RAPGEF2: variants seen among roughly 807,000 people sequenced by gnomAD.
RAPGEF2 encodes the protein PDZ domain containing guanine nucleotide exchange factor (GEF) 1.
RAPGEF2 carries 54 observed loss-of-function variants against 186.7 expected under a neutral mutation model. The observed-to-expected ratio is 0.29, with a 90% CI of 0.23 to 0.36. The LOEUF (loss-of-function observed/expected upper bound fraction) is 0.36. RAPGEF2 is among the 10% of genes least tolerant of loss of function. RAPGEF2 has a pLI of 1.00. For synonymous variants in RAPGEF2, 712 were observed against 705.9 expected, an observed-to-expected ratio of 1.01 and a Z score of -0.14; for missense variants, 1,532 against 2,045.0, an observed-to-expected ratio of 0.75 and a Z score of 4.84.
Position 159,314,614 on chromosome 4 carries a change from T to C in RAPGEF2, c.699T>C (p.Asp233=). Reference sequence around the variant, plus strand: ...AGGCCACAGAAAGCGAGGCTGGTGATATGGACCTGAGTGGGTTGCCAGAAA... The same window carrying C: ...AGGCCACAGAAAGCGAGGCTGGTGACATGGACCTGAGTGGGTTGCCAGAAA... The part of the protein sequence containing the change: ...IYQATESEAG[D]MDLSGLPETA... Residue 233 remains aspartate (D), a synonymous_variant, in exon 9 of 30, where the codon GAT becomes GAC. Transcript: ENST00000691494. 6.2e-7 allele frequency: 1 copy of C among 1,613,232 alleles called. No homozygotes were observed. Among genetic ancestry groups the C allele is most frequent in the East Asian group, 2.2e-5 (1 of 44,830 alleles).
intron 1 of RAPGEF2, among the ~76,000 whole-genome samples, chr4:159,153,490 G>A (rs1743780657): frequency 6.6e-6 from 1 of 152,080 alleles, no homozygotes; most frequent in African/African-American, 2.4e-5. Context: ...GTCTACTTTG[G>A]GGATCCAAAA....
At chr4:159,146,303 T>C (rs1467989539) in intron 1 of RAPGEF2, among the ~76,000 whole-genome samples, 1 of 151,850 alleles carries the variant, frequency 6.6e-6, no homozygotes, top group East Asian at 1.9e-4. Context: ...TAATAAATTA[T>C]GCCATAAAAA....
chr4:159,161,356 A>G (rs1744684119), intron 1 of RAPGEF2, among the ~76,000 whole-genome samples: 1 of 152,244 alleles, frequency 6.6e-6, no homozygotes, highest in Non-Finnish European at 1.5e-5. Context: ...TTTGTATCAT[A>G]AACAATATGT....
intron 1 of RAPGEF2, among the ~76,000 whole-genome samples, chr4:159,132,885 T>A (rs965372940): frequency 6.6e-6 from 1 of 151,060 alleles, no homozygotes; most frequent in African/African-American, 2.4e-5. Context: ...ATACTTAGTT[T>A]TTTTTTTTTT....
intron 8 of RAPGEF2, among the ~76,000 whole-genome samples, chr4:159,313,747 A>AT (rs1313456724): frequency 6.6e-6 from 1 of 152,182 alleles, no homozygotes; most frequent in Admixed American, 6.5e-5. Context: ...AATTGAATTC[A>AT]TTTTTACTAT....
At chr4:159,295,720 AGTGTGT>A (rs71589223) in intron 7 of RAPGEF2, among the ~76,000 whole-genome samples, 6,675 of 134,406 alleles carry the variant, frequency 0.05, 216 homozygotes, top group Non-Finnish European at 0.065. Flanking sequence ...AGAGTGTGTG[AGTGTGT>A]GTGTGTGTGT....
At chr4:159,221,271 C>T (rs985566864) in intron 4 of RAPGEF2, among the ~76,000 whole-genome samples, 2 of 152,204 alleles carry the variant, frequency 1.3e-5, no homozygotes, top group African/African-American at 4.8e-5. Context: ...TTCCACCCTT[C>T]TTCTCCGCTT....
intron 7 of RAPGEF2, chr4:159,267,156 G>C: frequency 2.3e-6 from 3 of 1,277,704 alleles, no homozygotes; most frequent in Non-Finnish European, 3.1e-6. Context: ...TGCAGGTTAA[G>C]AGACAGACTA....
intron 7 of RAPGEF2, among the ~76,000 whole-genome samples, chr4:159,300,379 T>A (rs1762508952): frequency 6.6e-6 from 1 of 151,776 alleles, no homozygotes; most frequent in African/African-American, 2.4e-5. Context: ...TGGTGTTTTT[T>A]AGGACTATAG....
intron 7 of RAPGEF2, among the ~76,000 whole-genome samples, chr4:159,252,156 G>A (rs1342169162): frequency 6.6e-6 from 1 of 152,116 alleles, no homozygotes; most frequent in African/African-American, 2.4e-5. Context: ...CACTTTTCAG[G>A]CTTAAGAGAT....
At position 159,290,169 on chromosome 4, in the gene RAPGEF2, T is replaced by A. The variant is rs1761014678; in HGVS notation, c.544-14173T>A. Among the ~76,000 whole-genome samples the A allele has an allele frequency of 2.0e-5, 3 of 152,150 alleles. No homozygotes were observed. The South Asian group carries it at 6.2e-4, about 32-fold the overall frequency. ...TACAGTGGCACCACAGTGAAGTGGG[T>A]TCATATTTGTAAATCCCCTCTCAGA... On this transcript the variant is annotated intron_variant, in intron 7 of 29. Coordinates refer to ENST00000691494, the MANE Select transcript of RAPGEF2 (RefSeq NM_001394067.2).
intron 1 of RAPGEF2, among the ~76,000 whole-genome samples, chr4:159,146,383 G>C (rs1480002715): frequency 6.8e-6 from 1 of 148,034 alleles, no homozygotes; most frequent in East Asian, 2.0e-4. Context: ...TTCTTTTGGT[G>C]CATTGTAGGG....
chr4:159,127,016 A>G (rs1740393049), intron 1 of RAPGEF2, among the ~76,000 whole-genome samples: 1 of 151,812 alleles, frequency 6.6e-6, no homozygotes, highest in Non-Finnish European at 1.5e-5. Flanking sequence ...GTTTATTTGC[A>G]TTTTTTGTTG....
rs1032409423 is a variant in RAPGEF2 at position 159,318,799 on chromosome 4, C to G, written c.854-3548C>G. ...ATTTCTTATATAAAATTGTATCAAG[C>G]AAACCAGGATAAGCTAATTTTCTGA... On this transcript the variant is annotated intron_variant, in intron 9 of 29. Transcript: ENST00000691494. Among the ~76,000 whole-genome samples, 7 of 152,206 alleles carry G rather than the reference C, an allele frequency of 4.6e-5. No homozygotes were observed. The East Asian group carries it at 1.2e-3, about 25-fold the overall frequency.
chr4:159,326,463 T>C (rs1461025277), intron 11 of RAPGEF2, among the ~76,000 whole-genome samples: 1 of 152,204 alleles, frequency 6.6e-6, no homozygotes, highest in Non-Finnish European at 1.5e-5. Flanking sequence ...TTCAGGGAGT[T>C]CCAAAATGAA....
intron 19 of RAPGEF2, among the ~76,000 whole-genome samples, 181 bp from the exon 20 acceptor site, chr4:159,341,383 C>T (rs977089468): frequency 1.3e-4 from 20 of 152,236 alleles, no homozygotes; most frequent in Non-Finnish European, 2.5e-4. Flanking sequence ...TCTGGATAGA[C>T]AGTTCTATGA....
intron 1 of RAPGEF2, among the ~76,000 whole-genome samples, chr4:159,104,530 G>GAGAGAGAGAGAGAC (rs1560964861): frequency 1.6e-5 from 2 of 121,412 alleles, no homozygotes; most frequent in East Asian, 4.6e-4. Context: ...GAGAGAGGGA[G>GAGAGAGAGAGAGAC]AGACAGAGAG....
chr4:159,218,180 C>G (rs1425824238), intron 4 of RAPGEF2, among the ~76,000 whole-genome samples: 1 of 152,028 alleles, frequency 6.6e-6, no homozygotes, highest in Non-Finnish European at 1.5e-5. Context: ...GGATGGAGTT[C>G]TGGAAGTTGT....
intron 7 of RAPGEF2, among the ~76,000 whole-genome samples, chr4:159,247,913 C>T (rs1000639415): frequency 1.3e-5 from 2 of 151,742 alleles, no homozygotes; most frequent in African/African-American, 4.8e-5. Flanking sequence ...CAGGTGTGCA[C>T]CACCAGGCCT....
Sources: allele counts gnomAD v4.1 joint callset (sites outside exome capture counted in the v4.1 genomes callset), GRCh38; gene constraint gnomAD v4.1.1; transcripts MANE v1.5; gene names NCBI Gene and HGNC (gene_info 2026-07-23, HGNC 2026-07-21).